FUT8: variants seen among roughly 807,000 people sequenced by gnomAD.
FUT8 encodes fucosyltransferase 8.
In FUT8, 29 loss-of-function variants were observed where a neutral mutation model predicts 71.3. The ratio of observed to expected loss-of-function variants is 0.41; its 90% CI spans 0.30 to 0.55. FUT8 has a LOEUF of 0.55. FUT8 is among the 20% of genes least tolerant of loss of function. The pLI is 0.34. For synonymous variants in FUT8, 254 were observed against 239.3 expected (o/e 1.06, Z -0.57); for missense variants, 544 against 702.1 (o/e 0.77, Z 2.55).
chr14:65,514,160 C>T, intron 2 of FUT8, among the ~76,000 whole-genome samples: 1 of 152,142 alleles, frequency 6.6e-6, no homozygotes, highest in East Asian at 1.9e-4. Flanking sequence ...TTGGTAGGAC[C>T]CTCAAGGCAG....
intron 6 of FUT8, among the ~76,000 whole-genome samples, chr14:65,667,234 C>T: frequency 6.6e-6 from 1 of 152,032 alleles, no homozygotes; most frequent in Non-Finnish European, 1.5e-5. Flanking sequence ...AGTCAAACTA[C>T]CTCTCTTTGC....
chr14:65,585,238 G>C (rs1042151854), intron 3 of FUT8, among the ~76,000 whole-genome samples: 8 of 151,922 alleles, frequency 5.3e-5, no homozygotes, highest in African/African-American at 1.7e-4. Context: ...TGCTGTCCAG[G>C]CTGGAATGCA....
chr14:65,700,635 G>C (rs1487217666), intron 7 of FUT8, among the ~76,000 whole-genome samples: 1 of 152,002 alleles, frequency 6.6e-6, no homozygotes, highest in Non-Finnish European at 1.5e-5. Flanking sequence ...TCCTGACCTC[G>C]TGATCCGCCC....
chr14:65,689,570 G>A (rs745622700), intron 7 of FUT8, among the ~76,000 whole-genome samples: 3 of 152,022 alleles, frequency 2.0e-5, no homozygotes, highest in African/African-American at 2.4e-5. Context: ...ACAGAGTCTC[G>A]CTCTGTCGCC....
At chr14:65,584,004 C>T (rs1369865677) in intron 3 of FUT8, among the ~76,000 whole-genome samples, 3 of 151,744 alleles carry the variant, frequency 2.0e-5, no homozygotes, top group Admixed American at 1.3e-4. Context: ...CTCAGCTTCC[C>T]GAGTAGCTGG....
intron 2 of FUT8, among the ~76,000 whole-genome samples, chr14:65,513,926 C>T (rs143437861): frequency 6.6e-6 from 1 of 152,316 alleles, no homozygotes; most frequent in African/African-American, 2.4e-5. Flanking sequence ...AGTGCATGCA[C>T]AGTGAGTTAA....
chr14:65,628,689 G>T (rs144642818), intron 5 of FUT8, among the ~76,000 whole-genome samples: 63 of 152,174 alleles, frequency 4.1e-4, no homozygotes, highest in African/African-American at 1.5e-3. Context: ...TCTCTTTTTA[G>T]TTTACTGGAG....
intron 2 of FUT8, among the ~76,000 whole-genome samples, chr14:65,498,668 T>C (rs887702026): frequency 6.6e-6 from 1 of 152,228 alleles, no homozygotes; most frequent in Admixed American, 6.5e-5. Context: ...TTTCATGCTA[T>C]TTAGAATTCA....
At chr14:65,408,285 G>A (rs1018288181), upstream of FUT8, among the ~76,000 whole-genome samples, 1 of 152,036 alleles carries the variant, frequency 6.6e-6, no homozygotes, top group Non-Finnish European at 1.5e-5. Context: ...AAGGACTTAC[G>A]CTGGCCATGA....
chr14:65,430,472 A>G (rs2065456287), intron 1 of FUT8, among the ~76,000 whole-genome samples: 1 of 152,172 alleles, frequency 6.6e-6, no homozygotes, highest in Non-Finnish European at 1.5e-5. Context: ...TTCTGTTCTG[A>G]AGCTTCAAAA....
intron 3 of FUT8, among the ~76,000 whole-genome samples, chr14:65,611,301 A>ACACACACACACCCC (rs1434787404): frequency 2.6e-5 from 1 of 38,592 alleles, no homozygotes; most frequent in African/African-American, 1.4e-4. Flanking sequence ...ACACACACAC[A>ACACACACACACCCC]CCCCCCAAGT....
chr14:65,374,761 A>ATTT, the FUT8 span, among the ~76,000 whole-genome samples: 13 of 148,164 alleles, frequency 8.8e-5, no homozygotes, highest in Admixed American at 1.4e-4. Context: ...CGCCTGGCTA[A>ATTT]TTTTTTTTTT....
chr14:65,599,140 C>G (rs965061976), intron 3 of FUT8, among the ~76,000 whole-genome samples: 1 of 152,118 alleles, frequency 6.6e-6, no homozygotes, highest in Non-Finnish European at 1.5e-5. Flanking sequence ...TCTGCCTGAG[C>G]CTTGTTTCCT....
rs184666352 is a variant in FUT8 at position 65,621,574 on chromosome 14, T to A, written c.482+5201T>A. On this transcript the variant is annotated intron_variant, in intron 5 of 10. Transcript: ENST00000673929. ...TGGCCTATTTGTTCCTCTTTTTTTTTATTTAAGATGGAGTTTCGCTCTTGT... is the reference window on the plus strand; with the variant it reads ...TGGCCTATTTGTTCCTCTTTTTTTTAATTTAAGATGGAGTTTCGCTCTTGT... 2.0e-3 allele frequency among the ~76,000 whole-genome samples: 297 copies of A among 150,892 alleles called. 1 individual carries two copies. The highest frequency in any genetic ancestry group is 5.3e-3 in the African/African-American group (216 of 41,020).
chr14:65,378,837 G>GTTTTTTTTTT, the FUT8 span, among the ~76,000 whole-genome samples: 16 of 66,850 alleles, frequency 2.4e-4, 5 homozygotes, highest in South Asian at 1.7e-3. Context: ...TCACAAGAAG[G>GTTTTTTTTTT]TTTTTTTTTT....
chr14:65,534,587 T>C (rs1884171206), intron 2 of FUT8, among the ~76,000 whole-genome samples: 1 of 149,702 alleles, frequency 6.7e-6, no homozygotes, highest in Non-Finnish European at 1.5e-5. Flanking sequence ...TATTTATTAC[T>C]GATTAAATTT....
rs71126744 is a variant in FUT8 at position 65,433,786 on chromosome 14, T to TTCTCTCTCTCTC, written c.-326+20593_-326+20604dup. Among the ~76,000 whole-genome samples, 1,292 of 144,954 alleles carry TTCTCTCTCTCTC rather than the reference T, an allele frequency of 8.9e-3. 35 individuals carry two copies. Among genetic ancestry groups the TTCTCTCTCTCTC allele is most frequent in the African/African-American group, 0.024 (904 of 37,622 alleles). ...TTTATTTCTACCTCTCTTCTGTCTC[T>TTCTCTCTCTCTC]TCTCTCTCTCTCTCTCTCTCTCTCT... On this transcript the variant is annotated intron_variant, in intron 1 of 10. Transcript: ENST00000673929.
intron 3 of FUT8, among the ~76,000 whole-genome samples, chr14:65,581,056 G>A (rs916706868): frequency 3.3e-5 from 5 of 151,982 alleles, no homozygotes; most frequent in Non-Finnish European, 5.9e-5. Context: ...AAACTTGCTG[G>A]TTTTTATAGG....
chr14:65,570,530 C>T (rs1039785995), intron 3 of FUT8, among the ~76,000 whole-genome samples: 1 of 151,874 alleles, frequency 6.6e-6, no homozygotes, highest in African/African-American at 2.4e-5. Context: ...TATACTCTAC[C>T]TGTATTAAAA....
Sources: allele counts gnomAD v4.1 joint callset (sites outside exome capture counted in the v4.1 genomes callset), GRCh38; gene constraint gnomAD v4.1.1; transcripts MANE v1.5; gene names NCBI Gene and HGNC (gene_info 2026-07-23, HGNC 2026-07-21).